UPF3A: variants seen among roughly 807,000 people sequenced by gnomAD.
UPF3A encodes the protein UPF3A regulator of nonsense mediated mRNA decay, also known as regulator of nonsense transcripts 3A.
UPF3A carries 42 observed loss-of-function variants against 53.5 expected under a neutral mutation model. That is an observed-to-expected ratio of 0.78 (90% CI 0.61 to 1.01). The LOEUF (loss-of-function observed/expected upper bound fraction) is 1.01. UPF3A is among the 50% of genes least tolerant of loss of function. The pLI is 0.00. For missense variants in UPF3A, 575 were observed against 598.0 expected (o/e 0.96, Z 0.40); for synonymous variants, 237 against 225.3 (o/e 1.05, Z -0.47).
chr13:114,282,857 C>T lies in UPF3A; in HGVS notation c.335C>T (p.Ser112Leu). 6.2e-7 allele frequency: 1 copy of T among 1,609,904 alleles called. No individual in the cohort carries two copies. Among genetic ancestry groups the T allele is most frequent in the Non-Finnish European group, 8.5e-7 (1 of 1,177,196 alleles). ...ADLSLYPHLY[S>L]RAYINFRNPD... is the part of the protein sequence containing the mutation. ...TTCAGTCTTTATCCTCATCTCTACTCAAGAGCATACATTAATTTTAGGAAT... is the reference window on the plus strand; with the variant it reads ...TTCAGTCTTTATCCTCATCTCTACTTAAGAGCATACATTAATTTTAGGAAT... Residue 112 changes from serine (S) to leucine (L), a missense_variant, in exon 3 of 10, where the codon TCA becomes TTA. Physicochemically the swap from Ser to Leu is moderately radical, Grantham distance 145. Transcript: ENST00000375299.
chr13:114,291,821 C>T (rs762927088), intron 7 of UPF3A, 29 bp downstream of exon 7: 1 of 1,561,150 alleles, frequency 6.4e-7, no homozygotes, highest in Admixed American at 2.1e-5. Flanking sequence ...TTCCTTTTTC[C>T]AAAAATAGCT....
At chr13:114,301,319 C>T (rs888206511) in intron 8 of UPF3A, among the ~76,000 whole-genome samples, 4 of 151,876 alleles carry the variant, frequency 2.6e-5, no homozygotes, top group Admixed American at 6.6e-5. Flanking sequence ...AAAAATTAGC[C>T]GGGCGTGGTC....
At chr13:114,295,041 G>A (rs1395507246) in intron 7 of UPF3A, among the ~76,000 whole-genome samples, 2 of 151,530 alleles carry the variant, frequency 1.3e-5, no homozygotes, top group African/African-American at 4.9e-5. Context: ...GAACCCGGGA[G>A]GCGGAGCTTG....
At chr13:114,288,550 AG>A (rs2084959065) in intron 5 of UPF3A, among the ~76,000 whole-genome samples, 1 of 152,210 alleles carries the variant, frequency 6.6e-6, no homozygotes, top group Non-Finnish European at 1.5e-5. Flanking sequence ...TTGGAGGTTC[AG>A]GGCACTGCAA....
intron 7 of UPF3A, among the ~76,000 whole-genome samples, chr13:114,296,198 T>C (rs1269959992): frequency 2.0e-5 from 3 of 152,062 alleles, no homozygotes; most frequent in Non-Finnish European, 2.9e-5. Flanking sequence ...GCCTGGCTAA[T>C]ATGGTGAAAC....
chr13:114,303,568 C>T (rs2092851248), intron 9 of UPF3A, among the ~76,000 whole-genome samples: 1 of 152,052 alleles, frequency 6.6e-6, no homozygotes, highest in Non-Finnish European at 1.5e-5. Flanking sequence ...GGTGGAACAC[C>T]TGAGGTCAGG....
intron 7 of UPF3A, among the ~76,000 whole-genome samples, chr13:114,298,588 C>T (rs1304511043): frequency 6.6e-6 from 1 of 152,102 alleles, no homozygotes; most frequent in Non-Finnish European, 1.5e-5. Context: ...TGTTTTTTAG[C>T]CCTTTATTCA....
chr13:114,292,336 A>G (rs1401115597), intron 7 of UPF3A, among the ~76,000 whole-genome samples: 19 of 141,790 alleles, frequency 1.3e-4, no homozygotes, highest in African/African-American at 1.3e-4. Context: ...GATGTGTCAC[A>G]TGTTCATTTT....
Position 114,281,726 on chromosome 13 carries a change from A to G in UPF3A, c.87A>G (p.Leu29=), listed in dbSNP as rs777708320. Residue 29 remains leucine (L), a synonymous_variant, in exon 1 of 10, where the codon CTA becomes CTG. Coordinates refer to ENST00000375299, the MANE Select transcript of UPF3A (RefSeq NM_023011.4). ...GCGGGAGGGAGAAGCTGTCGGCCCTAGAAGTGCAGTTCCACCGCGACTCGC... is the reference window on the plus strand; with the variant it reads ...GCGGGAGGGAGAAGCTGTCGGCCCTGGAAGTGCAGTTCCACCGCGACTCGC... ...GPSGREKLSA[L]EVQFHRDSQQ... The G allele has an allele frequency of 2.7e-5, 42 of 1,556,788 alleles. No individual in the cohort carries two copies. The highest frequency in any genetic ancestry group is 3.4e-5 in the Non-Finnish European group (39 of 1,151,386).
In UPF3A at chr13:114,286,408, C is replaced by T; in HGVS notation, c.520+8C>T. Reference sequence around the variant, plus strand: ...CTGGAAGCATCGAAGATGGTGAGCCCTTTCCAAGTGCTACGTTATGAAGCT... The same window carrying T: ...CTGGAAGCATCGAAGATGGTGAGCCTTTTCCAAGTGCTACGTTATGAAGCT... On this transcript the variant is annotated splice_region_variant and intron_variant, in intron 4 of 9. Coordinates refer to ENST00000375299, the MANE Select transcript of UPF3A (RefSeq NM_023011.4). 6.2e-7 allele frequency: 1 copy of T among 1,613,242 alleles called. No individual in the cohort carries two copies. The highest frequency in any genetic ancestry group is 8.5e-7 in the Non-Finnish European group (1 of 1,180,034).
chr13:114,286,467 C>A, intron 4 of UPF3A, 52 bp from the exon 5 acceptor site: 6 of 1,610,812 alleles, frequency 3.7e-6, no homozygotes, highest in Non-Finnish European at 4.2e-6. Context: ...ATGTAATTCT[C>A]CCGTAGTTGG....
chr13:114,281,691 C>A lies in UPF3A; in HGVS notation c.52C>A (p.Arg18=). 6.5e-7 allele frequency: 1 copy of A among 1,538,920 alleles called. No homozygotes were observed. The highest frequency in any genetic ancestry group is 2.5e-5 in the East Asian group (1 of 40,126). ...AGGLRAAVAA[R]GPSGREKLSA... is the part of the protein sequence containing the mutation. ...AGGCCTTCGGGCGGCCGTTGCCGCG[C>A]GGGGCCCGAGCGGGAGGGAGAAGCT... Residue 18 remains arginine (R), a synonymous_variant, in exon 1 of 10, where the codon CGG becomes AGG. Coordinates refer to ENST00000375299, the MANE Select transcript of UPF3A (RefSeq NM_023011.4).
intron 7 of UPF3A, among the ~76,000 whole-genome samples, chr13:114,297,810 C>T (rs997443169): frequency 1.3e-5 from 2 of 152,140 alleles, no homozygotes; most frequent in African/African-American, 4.8e-5. Flanking sequence ...GCCTGGGTGA[C>T]AGAGTGAGAC....
intron 7 of UPF3A, among the ~76,000 whole-genome samples, chr13:114,297,341 C>T (rs1188919890): frequency 2.0e-5 from 3 of 151,828 alleles, no homozygotes; most frequent in Non-Finnish European, 4.4e-5. Context: ...GTCGTGGCGA[C>T]TTGTTCATTA....
At chr13:114,290,094 A>C (rs79466345) in intron 5 of UPF3A, among the ~76,000 whole-genome samples, 8,686 of 152,204 alleles carry the variant, frequency 0.057, 292 homozygotes, top group Middle Eastern at 0.15. Context: ...GCCAGAGTTC[A>C]TGGTCAGCCC....
chr13:114,300,602 C>T (rs777019241), intron 8 of UPF3A, among the ~76,000 whole-genome samples: 11 of 151,396 alleles, frequency 7.3e-5, no homozygotes, highest in Non-Finnish European at 1.6e-4. Context: ...TGCAATGGTG[C>T]GATCTCAGCT....
At chr13:114,304,474 T>G (rs943596619) in intron 9 of UPF3A, among the ~76,000 whole-genome samples, 1 of 152,202 alleles carries the variant, frequency 6.6e-6, no homozygotes, top group Non-Finnish European at 1.5e-5. Context: ...TCTGAAACCA[T>G]CTGTGAGGGT....
intron 5 of UPF3A, among the ~76,000 whole-genome samples, chr13:114,289,235 T>C (rs954667713): frequency 6.6e-6 from 1 of 151,966 alleles, no homozygotes; most frequent in East Asian, 1.9e-4. Flanking sequence ...GTATGAAAAA[T>C]TGAAACTTGG....
chr13:114,285,918 A>T (rs969495049), intron 3 of UPF3A: 3 of 179,900 alleles, frequency 1.7e-5, no homozygotes, highest in African/African-American at 7.1e-5. Flanking sequence ...GGGGCTGGGG[A>T]GGTCAGGTAT....
Sources: gnomAD v4.1 joint callset for allele counts (sites outside exome capture counted in the v4.1 genomes callset) on GRCh38, gnomAD v4.1.1 for gene constraint, MANE v1.5 for transcripts, NCBI Gene and HGNC (gene_info 2026-07-23, HGNC 2026-07-21) for gene names.